CLASP1: variants seen among roughly 807,000 people sequenced by gnomAD.
CLASP1 encodes the protein cytoplasmic linker associated protein 1, also known as CLIP-associating protein 1.
A neutral mutation model predicts 192.3 loss-of-function variants in CLASP1; 38 were observed. The observed-to-expected ratio is 0.20, with a 90% CI of 0.15 to 0.26. The LOEUF (loss-of-function observed/expected upper bound fraction) is 0.26, where lower values mean the gene tolerates loss of function less well. Ranked by LOEUF, CLASP1 falls within the 10% of genes least tolerant of loss-of-function variation. The pLI is 1.00. For synonymous variants in CLASP1, 691 were observed against 712.8 expected (o/e 0.97, Z 0.49); for missense variants, 1,433 against 1,932.5 (o/e 0.74, Z 4.85).
At chr2:121,338,914 G>T (rs1032512585) in exon 40 of CLASP1, 2 of 152,504 alleles carry the variant, frequency 1.3e-5, no homozygotes, top group Non-Finnish European at 2.9e-5. Flanking sequence ...GTCAACAAGA[G>T]ACTCCCTAAT....
In CLASP1 at chr2:121,530,924, A is replaced by T. The variant is rs551370385; in HGVS notation, c.196-599T>A. On this transcript the variant is annotated intron_variant, in intron 2 of 39. Transcript: ENST00000263710. ...TTGCGCTACTGTCCAATGAGCGCAT[A>T]GTGAGGGCAGTACTGCTAACGCCTG... 3 of 699,868 alleles carry T rather than the reference A, an allele frequency of 4.3e-6. No individual in the cohort carries two copies. In the Admixed American group the frequency reaches 6.0e-5, roughly 14 times the overall value. The allele number at this position is 699,868 out of a possible 1,614,324, so 43.4% of individuals were successfully genotyped here. A position where few individuals can be genotyped will look rare whatever the true frequency, so the allele number is the denominator to read the frequency against.
intron 31 of CLASP1, 107 bp downstream of exon 32, chr2:121,387,656 T>C: frequency 1.8e-6 from 2 of 1,136,610 alleles, no homozygotes; most frequent in East Asian, 2.4e-5. Context: ...CGACATTTCC[T>C]GAAAGAGGAC....
At chr2:121,494,254 A>G (rs2093438419) in intron 8 of CLASP1, among the ~76,000 whole-genome samples, 1 of 152,276 alleles carries the variant, frequency 6.6e-6, no homozygotes, top group African/African-American at 2.4e-5. Context: ...TACACAATGC[A>G]GTACTATTCA....
chr2:121,606,463 A>AT (rs1202555965), intron 1 of CLASP1, among the ~76,000 whole-genome samples: 1 of 152,234 alleles, frequency 6.6e-6, no homozygotes, highest in Non-Finnish European at 1.5e-5. Context: ...CAGGAAAGCA[A>AT]TCTTCTGCTT....
chr2:121,382,392 G>C, intron 32 of CLASP1, 68 bp from the exon 34 acceptor site: 523 of 865,906 alleles, frequency 6.0e-4, no homozygotes, highest in Non-Finnish European at 8.6e-4. Flanking sequence ...GAGGAGGAAA[G>C]CACTACACAC....
At chr2:121,531,028 AC>A in intron 2 of CLASP1, 1 of 700,270 alleles carries the variant, frequency 1.4e-6, no homozygotes, top group East Asian at 2.7e-5. Context: ...GTTTTCATAG[AC>A]TTATCAGTTC....
chr2:121,610,180 AAGG>A (rs1559760580), intron 1 of CLASP1, among the ~76,000 whole-genome samples: 1 of 152,084 alleles, frequency 6.6e-6, no homozygotes, highest in Non-Finnish European at 1.5e-5. Context: ...GTGAGAGAAG[AAGG>A]AGGAGGAGTT....
intron 2 of CLASP1, among the ~76,000 whole-genome samples, chr2:121,560,589 A>G (rs1250854519): frequency 1.3e-5 from 2 of 152,232 alleles, no homozygotes; most frequent in Non-Finnish European, 2.9e-5. Flanking sequence ...ATGAATCCAC[A>G]TCCAAGAACA....
intron 8 of CLASP1, among the ~76,000 whole-genome samples, chr2:121,486,632 T>C (rs955405119): frequency 1.3e-5 from 2 of 152,186 alleles, no homozygotes; most frequent in African/African-American, 4.8e-5. Flanking sequence ...TTTTTGACAA[T>C]CACTACATAG....
chr2:121,484,175 A>G (rs1276479195), intron 8 of CLASP1, among the ~76,000 whole-genome samples: 2 of 152,242 alleles, frequency 1.3e-5, no homozygotes, highest in African/African-American at 4.8e-5. Context: ...TTATAGATAT[A>G]TTACTAAAAG....
chr2:121,402,783 C>A, intron 26 of CLASP1: 1 of 406,308 alleles, frequency 2.5e-6, no homozygotes, highest in Admixed American at 3.1e-5. Flanking sequence ...TTACCACTAC[C>A]TTAGAGAAAA....
intron 8 of CLASP1, among the ~76,000 whole-genome samples, chr2:121,485,891 T>C (rs934586740): frequency 1.3e-5 from 2 of 152,108 alleles, no homozygotes; most frequent in African/African-American, 4.8e-5. Flanking sequence ...CTCCCATCTT[T>C]ATTCTCACAA....
chr2:121,594,064 C>T (rs1263251148), intron 2 of CLASP1, among the ~76,000 whole-genome samples: 1 of 151,822 alleles, frequency 6.6e-6, no homozygotes, highest in Non-Finnish European at 1.5e-5. Flanking sequence ...TTTGGGAGGC[C>T]GAGGCGGGTG....
At chr2:121,563,522 C>T (rs2059266953) in intron 2 of CLASP1, among the ~76,000 whole-genome samples, 1 of 152,132 alleles carries the variant, frequency 6.6e-6, no homozygotes, top group African/African-American at 2.4e-5. Flanking sequence ...AATGAATTCT[C>T]TTATTAAAAA....
At chr2:121,522,063 G>A (rs556313960) in intron 6 of CLASP1, among the ~76,000 whole-genome samples, 1 of 152,308 alleles carries the variant, frequency 6.6e-6, no homozygotes, top group South Asian at 2.1e-4. Flanking sequence ...GTTAGTATCG[G>A]GGAGGTAGGT....
intron 2 of CLASP1, among the ~76,000 whole-genome samples, chr2:121,561,137 C>A (rs562946237): frequency 7.2e-5 from 11 of 152,242 alleles, no homozygotes; most frequent in Non-Finnish European, 8.8e-5. Flanking sequence ...GAACTCCTGG[C>A]CTCAGGTGAT....
chr2:121,378,278 C>G (rs1206302204), intron 33 of CLASP1, among the ~76,000 whole-genome samples: 3 of 152,170 alleles, frequency 2.0e-5, no homozygotes, highest in Non-Finnish European at 4.4e-5. Flanking sequence ...GACTCTTCTA[C>G]ATGCTTCTGT....
intron 30 of CLASP1, among the ~76,000 whole-genome samples, chr2:121,390,487 G>A (rs1399678374): frequency 2.0e-5 from 3 of 152,186 alleles, no homozygotes; most frequent in African/African-American, 7.2e-5. Context: ...CACCCTCATA[G>A]AGGAATTTGA....
At chr2:121,623,153 G>A (rs1290670907) in intron 1 of CLASP1, among the ~76,000 whole-genome samples, 1 of 152,134 alleles carries the variant, frequency 6.6e-6, no homozygotes, top group Admixed American at 6.5e-5. Context: ...TCATCATTAA[G>A]TATGATATTA....
Sources: allele counts gnomAD v4.1 joint callset (sites outside exome capture counted in the v4.1 genomes callset), GRCh38; gene constraint gnomAD v4.1.1; transcripts MANE v1.5; gene names NCBI Gene and HGNC (gene_info 2026-07-23, HGNC 2026-07-21).